Variants in SCFD2 observed in about 807,000 individuals in gnomAD.
SCFD2 encodes sec1 family domain-containing protein 2.
A neutral mutation model predicts 58.9 loss-of-function variants in SCFD2; 54 were observed. The ratio of observed to expected loss-of-function variants is 0.92; its 90% CI spans 0.74 to 1.15. The LOEUF (loss-of-function observed/expected upper bound fraction) is 1.15. Ranked by LOEUF, SCFD2 falls within the 50% of genes most tolerant of loss-of-function variation. SCFD2 has a pLI of 0.00. For synonymous variants in SCFD2, 321 were observed against 335.9 expected, an observed-to-expected ratio of 0.96 and a Z score of 0.49; for missense variants, 805 against 836.6, an observed-to-expected ratio of 0.96 and a Z score of 0.47.
chr4:52,998,040 A>G (rs564586082), intron 5 of SCFD2, among the ~76,000 whole-genome samples: 4 of 152,332 alleles, frequency 2.6e-5, no homozygotes, highest in African/African-American at 9.6e-5. Flanking sequence ...TGAGTGGATG[A>G]AACCCAACCC....
intron 7 of SCFD2, among the ~76,000 whole-genome samples, chr4:52,887,539 AGT>A (rs1718767086): frequency 6.6e-6 from 1 of 152,172 alleles, no homozygotes; most frequent in South Asian, 2.1e-4. Context: ...CAGGAGAAAT[AGT>A]GTGAGTCAAG....
At chr4:53,253,689 T>G (rs1159306326) in intron 4 of SCFD2, among the ~76,000 whole-genome samples, 4 of 128,490 alleles carry the variant, frequency 3.1e-5, no homozygotes, top group Non-Finnish European at 6.2e-5. Flanking sequence ...AATTGAACAA[T>G]GAGAACACAT....
intron 4 of SCFD2, among the ~76,000 whole-genome samples, chr4:53,199,204 A>G (rs1728150867): frequency 6.6e-6 from 1 of 152,128 alleles, no homozygotes; most frequent in Non-Finnish European, 1.5e-5. Context: ...ATGGAAAAGA[A>G]GGCAGCATTT....
chr4:53,267,393 G>T (rs1199215941), intron 4 of SCFD2, among the ~76,000 whole-genome samples: 1 of 152,156 alleles, frequency 6.6e-6, no homozygotes. Flanking sequence ...ACTATGTAAA[G>T]TAAGCATGTC....
chr4:53,162,305 G>A (rs1220735737), intron 4 of SCFD2, among the ~76,000 whole-genome samples: 1 of 152,030 alleles, frequency 6.6e-6, no homozygotes, highest in Non-Finnish European at 1.5e-5. Context: ...CTAAATTTTA[G>A]CTATCTGAAT....
At chr4:53,147,508 C>T (rs1252199491) in intron 4 of SCFD2, among the ~76,000 whole-genome samples, 1 of 152,136 alleles carries the variant, frequency 6.6e-6, no homozygotes. Flanking sequence ...AATGTTCAGT[C>T]CTTGGAATGG....
chr4:53,298,116 C>T (rs528027184), intron 3 of SCFD2, among the ~76,000 whole-genome samples: 1 of 152,264 alleles, frequency 6.6e-6, no homozygotes, highest in East Asian at 1.9e-4. Flanking sequence ...GTGGGAGCAG[C>T]ACACCATGCG....
chr4:52,957,806 T>C (rs904014034), intron 5 of SCFD2: 8 of 152,246 alleles, frequency 5.3e-5, no homozygotes, highest in Admixed American at 5.2e-4. Context: ...CAGGTTTAGA[T>C]GAAAAACTAA....
chr4:53,167,013 T>C (rs991163788), intron 4 of SCFD2, among the ~76,000 whole-genome samples: 3 of 152,182 alleles, frequency 2.0e-5, no homozygotes, highest in Non-Finnish European at 4.4e-5. Context: ...AAGATCAGTA[T>C]GTGATACCAT....
At chr4:53,145,019 C>A (rs1389114208) in intron 5 of SCFD2, among the ~76,000 whole-genome samples, 1 of 152,142 alleles carries the variant, frequency 6.6e-6, no homozygotes. Context: ...GAGTGTGAAC[C>A]CTACTGTGAA....
At chr4:52,928,336 G>C (rs1214227778) in intron 5 of SCFD2, among the ~76,000 whole-genome samples, 1 of 152,094 alleles carries the variant, frequency 6.6e-6, no homozygotes, top group Non-Finnish European at 1.5e-5. Context: ...TCTGTCTCAA[G>C]AAAATTATAA....
At chr4:53,183,298 T>G (rs1181188693) in intron 4 of SCFD2, among the ~76,000 whole-genome samples, 1 of 152,176 alleles carries the variant, frequency 6.6e-6, no homozygotes, top group Non-Finnish European at 1.5e-5. Context: ...GTGGCACATA[T>G]ATACCATGGA....
chr4:53,042,859 T>C (rs1280105340), intron 5 of SCFD2, among the ~76,000 whole-genome samples: 1 of 152,124 alleles, frequency 6.6e-6, no homozygotes, highest in African/African-American at 2.4e-5. Flanking sequence ...CTATGGATTG[T>C]CATCTAAATG....
intron 4 of SCFD2, among the ~76,000 whole-genome samples, chr4:53,185,506 T>C (rs1282560889): frequency 6.6e-6 from 1 of 152,050 alleles, no homozygotes; most frequent in Non-Finnish European, 1.5e-5. Flanking sequence ...TGCTTCCTAG[T>C]CTCTCATGTT....
At chr4:53,300,829 C>T (rs2149097818) in intron 3 of SCFD2, among the ~76,000 whole-genome samples, 3 of 152,310 alleles carry the variant, frequency 2.0e-5, no homozygotes, top group Non-Finnish European at 2.9e-5. Context: ...GGAAACTGAG[C>T]AAGCTGCTCC....
At chr4:53,303,536 C>T (rs1732405574) in intron 3 of SCFD2, among the ~76,000 whole-genome samples, 1 of 152,138 alleles carries the variant, frequency 6.6e-6, no homozygotes, top group Admixed American at 6.5e-5. Flanking sequence ...TTGTGGAAGT[C>T]AGTGTGGCGA....
At chr4:53,015,987 T>A (rs1171530440) in intron 5 of SCFD2, among the ~76,000 whole-genome samples, 2 of 152,206 alleles carry the variant, frequency 1.3e-5, no homozygotes. Context: ...CCAAAATAAA[T>A]CTTATTTGTG....
intron 3 of SCFD2, among the ~76,000 whole-genome samples, chr4:53,299,810 AG>A (rs1194303917): frequency 5.9e-5 from 9 of 152,350 alleles, no homozygotes; most frequent in African/African-American, 2.2e-4. Context: ...CTTAAAGAAA[AG>A]AATTTTCAAC....
At chr4:52,962,444 C>A (rs923187399) in intron 5 of SCFD2, among the ~76,000 whole-genome samples, 4 of 152,130 alleles carry the variant, frequency 2.6e-5, no homozygotes, top group Non-Finnish European at 4.4e-5. Context: ...AAAAACGATA[C>A]CCTTTATTGA....
Sources: allele counts gnomAD v4.1 joint callset (sites outside exome capture counted in the v4.1 genomes callset), GRCh38; gene constraint gnomAD v4.1.1; transcripts MANE v1.5; gene names NCBI Gene and HGNC (gene_info 2026-07-23, HGNC 2026-07-21).